The following TSTD2 variants were observed in gnomAD, a reference collection of about 807,000 sequenced individuals.
TSTD2 encodes thiosulfate sulfurtransferase like domain containing 2.
A neutral mutation model predicts 47.9 loss-of-function variants in TSTD2; 37 were observed. The ratio of observed to expected loss-of-function variants is 0.77; its 90% CI spans 0.59 to 1.02. The LOEUF (loss-of-function observed/expected upper bound fraction) is 1.02, where lower values mean the gene tolerates loss of function less well. TSTD2 is among the 50% of genes least tolerant of loss of function. The probability of loss-of-function intolerance (pLI) is 0.00; values close to 1 mark genes in which losing one functional copy is unlikely to be tolerated. For missense variants in TSTD2, 586 were observed against 616.0 expected (o/e 0.95, Z 0.52); for synonymous variants, 201 against 215.9 (o/e 0.93, Z 0.61).
intron 9 of TSTD2, among the ~76,000 whole-genome samples, chr9:97,603,589 G>A (rs141365266): frequency 1.5e-4 from 23 of 152,256 alleles, no homozygotes; most frequent in African/African-American, 4.8e-4. Flanking sequence ...ACAATCAAAC[G>A]CAAATCTTAC....
chr9:97,612,556 G>C lies in TSTD2; in HGVS notation c.604-857C>G, dbSNP rs188565531. Reference sequence around the variant, plus strand: ...CAGCCATTCTGACAGGTGTGAGATGGATACCTGTTTGTTTTTTAAGACAGA... The same window carrying C: ...CAGCCATTCTGACAGGTGTGAGATGCATACCTGTTTGTTTTTTAAGACAGA... On this transcript the variant is annotated intron_variant, in intron 4 of 9. Transcript: ENST00000341170. Among the ~76,000 whole-genome samples, 10 of 152,250 alleles carry C rather than the reference G, an allele frequency of 6.6e-5. No individual in the cohort carries two copies. In the East Asian group the frequency reaches 1.9e-3, roughly 29 times the overall value.
chr9:97,632,806 ACT>A (rs1295052176), intron 1 of TSTD2, among the ~76,000 whole-genome samples: 3 of 152,072 alleles, frequency 2.0e-5, no homozygotes, highest in East Asian at 1.9e-4. Context: ...GCTAAGAAAG[ACT>A]CTAAATTTTT....
At position 97,601,689 on chromosome 9, in the gene TSTD2, C is replaced by A; in HGVS notation, c.*780G>T. 1 of 580,020 alleles carries A rather than the reference C, an allele frequency of 1.7e-6. No individual in the cohort carries two copies. The highest frequency in any genetic ancestry group is 2.2e-6 in the Non-Finnish European group (1 of 458,786). 35.9% of individuals were successfully genotyped at this position (580,020 alleles called of 1,614,324 possible). On this transcript the variant is annotated 3_prime_UTR_variant, in exon 10 of 10. Coordinates refer to ENST00000341170, the MANE Select transcript of TSTD2 (RefSeq NM_139246.5). Reference sequence around the variant, plus strand: ...GCAACTATTCAACTCTGCCATAGATCATGTGTAAAGGAATGGGTGTGGCTG... The same window carrying A: ...GCAACTATTCAACTCTGCCATAGATAATGTGTAAAGGAATGGGTGTGGCTG...
At chr9:97,604,654 T>C (rs753872216) in intron 9 of TSTD2, 73 bp downstream of exon 9, 1 of 1,599,384 alleles carries the variant, frequency 6.3e-7, no homozygotes, top group Non-Finnish European at 8.5e-7. Context: ...GTCTTCCCTG[T>C]GTCATTTTTC....
intron 6 of TSTD2, among the ~76,000 whole-genome samples, chr9:97,606,898 T>C (rs1826374434): frequency 6.6e-6 from 1 of 151,164 alleles, no homozygotes. Flanking sequence ...AAACGACATA[T>C]GAGAAAGAAA....
At chr9:97,622,754 G>C (rs2131315563) in intron 3 of TSTD2, among the ~76,000 whole-genome samples, 1 of 152,380 alleles carries the variant, frequency 6.6e-6, no homozygotes, top group South Asian at 2.1e-4. Flanking sequence ...TCATTTTGGA[G>C]CTTTAAAATT....
Position 97,617,808 on chromosome 9 carries a change from C to T in TSTD2, c.552G>A (p.Trp184Ter). 6.2e-7 allele frequency: 1 copy of T among 1,614,154 alleles called. No homozygotes were observed. Among genetic ancestry groups the T allele is most frequent in the Non-Finnish European group, 8.5e-7 (1 of 1,180,002 alleles). The part of the protein sequence containing the change: ...YCYHDLEDPQ[W>*]ICAWQTALCQ... ...ACAGAGCTGTCTGCCAGGCACAGATCCATTGGGGATCCTCCAGGTCATGGT... is the reference window on the plus strand; with the variant it reads ...ACAGAGCTGTCTGCCAGGCACAGATTCATTGGGGATCCTCCAGGTCATGGT... The change falls in exon 4 of 10, where the codon TGG becomes TGA. Residue 184 changes from tryptophan to a stop codon, truncating the protein, a stop_gained. Transcript: ENST00000341170. LOFTEE classifies it high-confidence loss of function.
At chr9:97,626,027 T>A (rs1464739265) in intron 2 of TSTD2, 30 bp from the exon 3 acceptor site, 1 of 1,571,088 alleles carries the variant, frequency 6.4e-7, no homozygotes, top group Non-Finnish European at 8.6e-7. Flanking sequence ...GCTAACACTG[T>A]TAAATAACCT....
intron 3 of TSTD2, among the ~76,000 whole-genome samples, chr9:97,620,789 C>T (rs1826622457): frequency 6.6e-6 from 1 of 152,158 alleles, no homozygotes; most frequent in Non-Finnish European, 1.5e-5. Context: ...TTTAGGGTAT[C>T]AGCAAAGCAT....
In TSTD2 at chr9:97,601,160, A is replaced by G. The variant is rs913405587; in HGVS notation, c.*1309T>C. The G allele has an allele frequency of 3.1e-6, 4 of 1,302,124 alleles. No homozygotes were observed. In the African/African-American group the frequency reaches 6.1e-5, roughly 20 times the overall value. The allele number at this position is 1,302,124 out of a possible 1,614,324, so 80.7% of individuals were successfully genotyped here. Reference sequence around the variant, plus strand: ...GGAGTGGCACCATGTTGCAGGGACAACCATCCCCATTTGGCTTCTCCTTAA... The same window carrying G: ...GGAGTGGCACCATGTTGCAGGGACAGCCATCCCCATTTGGCTTCTCCTTAA... On this transcript the variant is annotated 3_prime_UTR_variant, in exon 10 of 10. Coordinates refer to ENST00000341170, the MANE Select transcript of TSTD2 (RefSeq NM_139246.5).
chr9:97,616,569 T>C (rs1028004641), intron 4 of TSTD2, among the ~76,000 whole-genome samples: 2 of 152,114 alleles, frequency 1.3e-5, no homozygotes, highest in African/African-American at 4.8e-5. Context: ...TAAGGAATAT[T>C]TGAAGAGGTG....
chr9:97,602,516 G>C lies in TSTD2; in HGVS notation c.1504C>G (p.Pro502Ala). The change falls in exon 10 of 10, where the codon CCA (proline) becomes GCA (alanine). Residue 502 changes from proline (P) to alanine (A), a missense_variant. By Grantham distance (27) the Pro-to-Ala change is conservative (BLOSUM62 -1). Transcript: ENST00000341170. ...LLQHVRQPVS[P>A]EPGPDADEDG... The stretch of plus-strand genomic sequence containing the variant: ...TCATCAGCATCAGGCCCTGGCTCTG[G>C]GCTCACAGGCTGTCGCACATGCTGC... 6.2e-7 allele frequency: 1 copy of C among 1,613,898 alleles called. No individual in the cohort carries two copies. The highest frequency in any genetic ancestry group is 8.5e-7 in the Non-Finnish European group (1 of 1,179,854).
chr9:97,621,282 C>T (rs771215164), intron 3 of TSTD2, among the ~76,000 whole-genome samples: 26 of 152,162 alleles, frequency 1.7e-4, no homozygotes, highest in South Asian at 1.0e-3. Context: ...CTCTTAATCC[C>T]GTCATCTTCA....
At chr9:97,609,401 G>C (rs58044255) in intron 6 of TSTD2, among the ~76,000 whole-genome samples, 267 of 152,106 alleles carry the variant, frequency 1.8e-3, no homozygotes, top group African/African-American at 5.9e-3. Flanking sequence ...AAACTCTAAA[G>C]GTCAAATGAT....
At chr9:97,605,383 G>A in intron 8 of TSTD2, 100 bp downstream of exon 8, 2 of 1,456,692 alleles carry the variant, frequency 1.4e-6, no homozygotes, top group Non-Finnish European at 1.9e-6. Context: ...GGCTGCCTGG[G>A]GGTGGGGAGT....
At position 97,605,475 on chromosome 9, in the gene TSTD2, T is replaced by C; in HGVS notation, c.1113+8A>G. The C allele has an allele frequency of 6.2e-7, 1 of 1,613,024 alleles. No homozygotes were observed. Among genetic ancestry groups the C allele is most frequent in the Non-Finnish European group, 8.5e-7 (1 of 1,179,754 alleles). On this transcript the variant is annotated splice_region_variant and intron_variant, in intron 8 of 9. Coordinates refer to ENST00000341170, the MANE Select transcript of TSTD2 (RefSeq NM_139246.5). ...CCATGCCCACAGTGCCCCGGGGTGGTGGCTCACCTTGGCTTTGAGGTAGGC... is the reference window on the plus strand; with the variant it reads ...CCATGCCCACAGTGCCCCGGGGTGGCGGCTCACCTTGGCTTTGAGGTAGGC...
At chr9:97,627,786 A>T (rs944920145) in intron 1 of TSTD2, among the ~76,000 whole-genome samples, 174 bp from the exon 2 acceptor site, 10 of 152,250 alleles carry the variant, frequency 6.6e-5, no homozygotes, top group Non-Finnish European at 1.5e-4. Flanking sequence ...GCACTATTCT[A>T]AGCACTGAGA....
intron 9 of TSTD2, chr9:97,602,993 TACTG>T (rs1826294615): frequency 4.4e-6 from 2 of 454,994 alleles, no homozygotes; most frequent in South Asian, 1.1e-4. Flanking sequence ...TTCCAGTATT[TACTG>T]ACTTTTTTTT....
At chr9:97,622,666 G>A (rs1355767475) in intron 3 of TSTD2, among the ~76,000 whole-genome samples, 2 of 152,272 alleles carry the variant, frequency 1.3e-5, no homozygotes, top group Middle Eastern at 3.2e-3. Context: ...AAGCCACAAA[G>A]GCGGAGTTGC....
Sources: allele counts gnomAD v4.1 joint callset (sites outside exome capture counted in the v4.1 genomes callset), GRCh38; gene constraint gnomAD v4.1.1; transcripts MANE v1.5; gene names NCBI Gene and HGNC (gene_info 2026-07-23, HGNC 2026-07-21).